The following FOCAD variants were observed in gnomAD, a reference collection of about 807,000 sequenced individuals.
FOCAD encodes the protein focadhesin.
FOCAD carries 198 observed loss-of-function variants against 225.6 expected under a neutral mutation model. The observed-to-expected ratio is 0.88, with a 90% CI of 0.78 to 0.99. FOCAD has a LOEUF of 0.99. Ranked by LOEUF, FOCAD falls within the 50% of genes least tolerant of loss-of-function variation. FOCAD has a pLI of 0.00. For synonymous variants in FOCAD, 897 were observed against 755.0 expected (o/e 1.19, Z -3.08); for missense variants, 2,713 against 2,123.6 (o/e 1.28, Z -5.46).
intron 4 of FOCAD, chr9:20,726,169 TTTTG>T (rs1826180825): frequency 6.6e-6 from 1 of 152,184 alleles, no homozygotes; most frequent in African/African-American, 2.4e-5. Context: ...TTGTTTTTGG[TTTTG>T]TTTGTTTTTG....
intron 28 of FOCAD, among the ~76,000 whole-genome samples, chr9:20,942,127 G>A (rs1229541298): frequency 1.3e-5 from 2 of 152,152 alleles, no homozygotes; most frequent in Admixed American, 6.5e-5. Context: ...TACATACACT[G>A]TTATATATTC....
At chr9:20,903,133 A>C (rs1832688619) in intron 21 of FOCAD, among the ~76,000 whole-genome samples, 1 of 151,882 alleles carries the variant, frequency 6.6e-6, no homozygotes, top group African/African-American at 2.4e-5. Flanking sequence ...GCTCCTTTCT[A>C]GTCAGGCCCT....
chr9:20,920,903 T>G (rs983563849), intron 24 of FOCAD, among the ~76,000 whole-genome samples: 13 of 151,494 alleles, frequency 8.6e-5, no homozygotes, highest in Admixed American at 3.9e-4. Context: ...GCATGGCACA[T>G]GTATACATAT....
chr9:20,687,023 G>A (rs1160751910), intron 1 of FOCAD, among the ~76,000 whole-genome samples: 3 of 150,646 alleles, frequency 2.0e-5, no homozygotes, highest in African/African-American at 2.4e-5. Context: ...CCCTACTCAG[G>A]TCATATTGAA....
At chr9:20,941,020 A>G (rs1836603762) in intron 28 of FOCAD, among the ~76,000 whole-genome samples, 1 of 152,012 alleles carries the variant, frequency 6.6e-6, no homozygotes, top group South Asian at 2.1e-4. Flanking sequence ...TGAAAGCCTG[A>G]CTCATGATTT....
chr9:20,971,008 ATTGT>A (rs2132540220), intron 35 of FOCAD, among the ~76,000 whole-genome samples: 1 of 152,106 alleles, frequency 6.6e-6, no homozygotes, highest in Non-Finnish European at 1.5e-5. Flanking sequence ...TCTTTTCCTC[ATTGT>A]TTGTTTTCAT....
intron 2 of FOCAD, among the ~76,000 whole-genome samples, chr9:20,662,206 G>GTC (rs1821749404): frequency 8.8e-6 from 1 of 113,228 alleles, no homozygotes; most frequent in Non-Finnish European, 2.2e-5. Context: ...GTGCATATAT[G>GTC]TGTGTGTGTG....
rs571972534 is a variant in FOCAD at position 20,874,672 on chromosome 9, T to C, written c.2191-9T>C. ...ATCCTCTCTATGATCTTTTCGCTTATCATTTCAGATAAGACCAGAAATTCC... is the reference window on the plus strand; with the variant it reads ...ATCCTCTCTATGATCTTTTCGCTTACCATTTCAGATAAGACCAGAAATTCC... On this transcript the variant is annotated splice_polypyrimidine_tract_variant and intron_variant, in intron 18 of 43. Transcript: ENST00000338382. 9.3e-6 allele frequency: 15 copies of C among 1,611,824 alleles called. No individual in the cohort carries two copies. In the South Asian group the frequency reaches 1.5e-4, roughly 17 times the overall value.
At position 20,761,255 on chromosome 9, in the gene FOCAD, A is replaced by G. The variant is rs1829568138; in HGVS notation, c.494+3064A>G. Among the ~76,000 whole-genome samples, 3 of 152,098 alleles carry G rather than the reference A, an allele frequency of 2.0e-5. No individual in the cohort carries two copies. In the East Asian group the frequency reaches 5.8e-4, roughly 29 times the overall value. ...CCTTTCAGGAACTGAGAATTTGAGA[A>G]TGGTGCAAATTGATAATATCATGGA... On this transcript the variant is annotated intron_variant, in intron 6 of 43. Transcript: ENST00000338382.
At chr9:20,782,058 T>C in intron 10 of FOCAD, 129 bp downstream of exon 10, 1 of 744,260 alleles carries the variant, frequency 1.3e-6, no homozygotes, top group South Asian at 1.7e-5. Flanking sequence ...GGTAGTGCTG[T>C]TGGAGATCTC....
intron 6 of FOCAD, among the ~76,000 whole-genome samples, chr9:20,763,758 C>G (rs140414276): frequency 1.6e-4 from 25 of 152,262 alleles, no homozygotes; most frequent in Non-Finnish European, 2.9e-4. Context: ...GAAAGATAAA[C>G]AGAGGCCAAA....
chr9:20,995,521 T>A (rs879821017), intron 43 of FOCAD, 35 bp from the exon 44 acceptor site: 3 of 1,572,446 alleles, frequency 1.9e-6, no homozygotes, highest in Non-Finnish European at 1.7e-6. Flanking sequence ...AATGACCTTT[T>A]CAAATGCAGC....
At chr9:20,663,474 AACACACAC>A (rs367867901) in intron 2 of FOCAD, among the ~76,000 whole-genome samples, 20 of 149,048 alleles carry the variant, frequency 1.3e-4, no homozygotes, top group African/African-American at 3.7e-4. Flanking sequence ...TGTGTGCATG[AACACACAC>A]ACACACACAC....
At chr9:20,800,986 C>T (rs149937003) in intron 11 of FOCAD, among the ~76,000 whole-genome samples, 12 of 152,146 alleles carry the variant, frequency 7.9e-5, no homozygotes, top group Non-Finnish European at 1.3e-4. Flanking sequence ...GTTTTATCTA[C>T]GTTAGGTCTT....
chr9:20,959,044 AC>A (rs1838461049), intron 35 of FOCAD, among the ~76,000 whole-genome samples: 2 of 152,154 alleles, frequency 1.3e-5, no homozygotes, highest in African/African-American at 4.8e-5. Context: ...TCCTTTGGAT[AC>A]CTGCCCAGTA....
chr9:20,700,498 C>T lies in FOCAD; in HGVS notation c.-32-14824C>T, dbSNP rs71504744. ...TGGATTTGAATTTGGCTGAAGTTCA[C>T]CTTTGCACTATCTACACAAAAATGA... On this transcript the variant is annotated intron_variant, in intron 1 of 43. Transcript: ENST00000338382. Among the ~76,000 whole-genome samples, 710 of 149,870 alleles carry T rather than the reference C, an allele frequency of 4.7e-3. 4 individuals are homozygous for T. Among genetic ancestry groups the T allele is most frequent in the Non-Finnish European group, 8.5e-3 (578 of 67,652 alleles).
intron 15 of FOCAD, among the ~76,000 whole-genome samples, chr9:20,850,655 G>A (rs1437923008): frequency 1.3e-5 from 2 of 151,646 alleles, no homozygotes; most frequent in African/African-American, 4.8e-5. Context: ...CCTACCTTCA[G>A]TTATGCTTTA....
intron 38 of FOCAD, 125 bp downstream of exon 38, chr9:20,981,811 A>T (rs1197357683): frequency 9.8e-7 from 1 of 1,025,206 alleles, no homozygotes; most frequent in Non-Finnish European, 1.4e-6. Flanking sequence ...AAATAACCAC[A>T]TTCTTTACTA....
chr9:20,849,851 G>A (rs1827476446), intron 15 of FOCAD, among the ~76,000 whole-genome samples: 1 of 151,760 alleles, frequency 6.6e-6, no homozygotes, highest in South Asian at 2.1e-4. Context: ...CAAAAAGAAG[G>A]CCTATCTCTA....
Sources: allele counts gnomAD v4.1 joint callset (sites outside exome capture counted in the v4.1 genomes callset), GRCh38; gene constraint gnomAD v4.1.1; transcripts MANE v1.5; gene names NCBI Gene and HGNC (gene_info 2026-07-23, HGNC 2026-07-21).